KCTD3: variants seen among roughly 807,000 people sequenced by gnomAD.
The protein encoded by KCTD3 is BTB/POZ domain-containing protein KCTD3.
Under a neutral mutation model 85.8 loss-of-function variants are expected in KCTD3, and 41 were observed. The observed-to-expected ratio is 0.48, with a 90% CI of 0.37 to 0.62. KCTD3 has a LOEUF of 0.62. KCTD3 is among the 20% of genes least tolerant of loss of function. The pLI is 0.00. For missense variants in KCTD3, 724 were observed against 989.9 expected (o/e 0.73, Z 3.60); for synonymous variants, 338 against 345.4 (o/e 0.98, Z 0.24).
chr1:215,604,010 T>G, intron 12 of KCTD3, 122 bp from the exon 13 acceptor site: 1 of 648,300 alleles, frequency 1.5e-6, no homozygotes, highest in South Asian at 2.7e-5. Flanking sequence ...CTGAACTGGA[T>G]TTGGGGCTGA....
At chr1:215,575,818 C>T in intron 3 of KCTD3, 83 bp from the exon 4 acceptor site, 2 of 723,820 alleles carry the variant, frequency 2.8e-6, no homozygotes, top group Admixed American at 6.6e-5. Flanking sequence ...GTAATTAAGA[C>T]TTCATTCCCT....
intron 12 of KCTD3, among the ~76,000 whole-genome samples, 187 bp downstream of exon 12, chr1:215,602,388 A>G (rs1654863313): frequency 6.6e-6 from 1 of 152,146 alleles, no homozygotes; most frequent in Admixed American, 6.5e-5. Context: ...ACCAGTAAAC[A>G]AACATAATTT....
intron 9 of KCTD3, among the ~76,000 whole-genome samples, chr1:215,591,073 G>T (rs1478330266): frequency 6.6e-6 from 1 of 152,072 alleles, no homozygotes; most frequent in Non-Finnish European, 1.5e-5. Flanking sequence ...TTATTTTTAA[G>T]ATGTTGCTTT....
At chr1:215,615,653 GA>G (rs911144834) in intron 15 of KCTD3, among the ~76,000 whole-genome samples, 3 of 151,918 alleles carry the variant, frequency 2.0e-5, no homozygotes, top group Non-Finnish European at 4.4e-5. Flanking sequence ...TGCATAGGGG[GA>G]AAAAAGTTCA....
chr1:215,570,800 T>C (rs1300857792), intron 1 of KCTD3, among the ~76,000 whole-genome samples: 1 of 152,228 alleles, frequency 6.6e-6, no homozygotes, highest in Non-Finnish European at 1.5e-5. Flanking sequence ...TCTTTAGTCC[T>C]TTGCTGAAAC....
At chr1:215,612,261 T>C (rs1200715079) in intron 15 of KCTD3, among the ~76,000 whole-genome samples, 2 of 152,210 alleles carry the variant, frequency 1.3e-5, no homozygotes, top group Non-Finnish European at 2.9e-5. Flanking sequence ...ATATTTTCCA[T>C]CCCATATAAA....
intron 8 of KCTD3, among the ~76,000 whole-genome samples, chr1:215,582,336 G>C (rs993371190): frequency 6.6e-6 from 1 of 151,890 alleles, no homozygotes. Flanking sequence ...TTGAGGTGAA[G>C]TATGTTCATA....
At chr1:215,613,846 C>T (rs560235029) in intron 15 of KCTD3, among the ~76,000 whole-genome samples, 2 of 151,838 alleles carry the variant, frequency 1.3e-5, no homozygotes, top group Admixed American at 1.3e-4. Context: ...CATCCTGTTG[C>T]TTTGGTCTAT....
rs779723592 is a variant in KCTD3, at chr1:215,586,550, A to T, written c.682A>T (p.Thr228Ser). The T allele has an allele frequency of 1.2e-6, 2 of 1,614,122 alleles. No individual in the cohort carries two copies. Among genetic ancestry groups the T allele is most frequent in the Non-Finnish European group, 1.7e-6 (2 of 1,180,024 alleles). The change falls in exon 9 of 18, where the codon ACT becomes TCT. Residue 228 changes from threonine (T) to serine (S), a missense_variant. Transcript: ENST00000259154. ...QVFTSPYLDW[T>S]IERVALNAKV... is the part of the protein sequence containing the mutation. ...GTTTACGAGCCCATATTTGGATTGGACTATCGAACGAGTAGCTTTAAATGC... is the reference window on the plus strand; with the variant it reads ...GTTTACGAGCCCATATTTGGATTGGTCTATCGAACGAGTAGCTTTAAATGC...
At chr1:215,615,655 A>G (rs942589897) in intron 15 of KCTD3, among the ~76,000 whole-genome samples, 1 of 152,028 alleles carries the variant, frequency 6.6e-6, no homozygotes, top group African/African-American at 2.4e-5. Flanking sequence ...CATAGGGGGA[A>G]AAAAGTTCAA....
chr1:215,569,817 T>G (rs985740341), intron 1 of KCTD3, among the ~76,000 whole-genome samples: 4 of 152,172 alleles, frequency 2.6e-5, no homozygotes, highest in African/African-American at 9.7e-5. Flanking sequence ...TACAAAATAG[T>G]ACATATATTA....
At chr1:215,578,141 A>C in intron 6 of KCTD3, 60 bp downstream of exon 6, 1 of 1,387,478 alleles carries the variant, frequency 7.2e-7, no homozygotes, top group Non-Finnish European at 1.0e-6. Flanking sequence ...AAGTACAAGC[A>C]TATGAATAGG....
chr1:215,583,319 C>T (rs1270796072), intron 8 of KCTD3, among the ~76,000 whole-genome samples: 2 of 152,132 alleles, frequency 1.3e-5, no homozygotes, highest in Non-Finnish European at 2.9e-5. Context: ...ATGTTCCTCC[C>T]CTTTTTAGAC....
At chr1:215,573,913 A>T (rs1303564865) in intron 2 of KCTD3, 74 bp downstream of exon 2, 17 of 1,086,294 alleles carry the variant, frequency 1.6e-5, no homozygotes, top group Non-Finnish European at 1.9e-5. Flanking sequence ...TGTCAGTTAA[A>T]TTTTTTTTAA....
intron 15 of KCTD3, among the ~76,000 whole-genome samples, chr1:215,615,984 G>A (rs1453263408): frequency 6.6e-6 from 1 of 152,168 alleles, no homozygotes; most frequent in Non-Finnish European, 1.5e-5. Context: ...CCCCTCTGTA[G>A]TGAGGGCCTT....
intron 8 of KCTD3, among the ~76,000 whole-genome samples, chr1:215,584,612 C>T (rs767552468): frequency 4.6e-5 from 7 of 152,168 alleles, no homozygotes; most frequent in Non-Finnish European, 1.0e-4. Context: ...TTACCCCAGA[C>T]AGGTCAGAAA....
chr1:215,591,287 T>TTTCCTTCCTTCCTTCCTTCCTTCCTTCC (rs10592000), intron 9 of KCTD3, among the ~76,000 whole-genome samples: 8 of 110,932 alleles, frequency 7.2e-5, no homozygotes, highest in African/African-American at 1.8e-4. Flanking sequence ...TCCTTCCTTC[T>TTTCCTTCCTTCCTTCCTTCCTTCCTTCC]TTCCTTCCTT....
At chr1:215,579,499 A>ATT (rs780828089) in intron 7 of KCTD3, among the ~76,000 whole-genome samples, 8 of 138,022 alleles carry the variant, frequency 5.8e-5, no homozygotes, top group Admixed American at 7.3e-5. Context: ...TAACAAAACT[A>ATT]TTTTTTTTTT....
At chr1:215,582,999 T>G (rs1453582490) in intron 8 of KCTD3, among the ~76,000 whole-genome samples, 2 of 152,222 alleles carry the variant, frequency 1.3e-5, no homozygotes, top group Non-Finnish European at 2.9e-5. Context: ...ATAGTTATTT[T>G]TAAATATGCT....
Sources: allele counts gnomAD v4.1 joint callset (sites outside exome capture counted in the v4.1 genomes callset), GRCh38; gene constraint gnomAD v4.1.1; transcripts MANE v1.5; gene names NCBI Gene and HGNC (gene_info 2026-07-23, HGNC 2026-07-21).